CAMTA1: variants seen among roughly 807,000 people sequenced by gnomAD.
CAMTA1 encodes calmodulin binding transcription activator 1.
Under a neutral mutation model 170.9 loss-of-function variants are expected in CAMTA1, and 27 were observed. The observed-to-expected ratio is 0.16, with a 90% CI of 0.12 to 0.22. The LOEUF is 0.22. Ranked by LOEUF, CAMTA1 falls within the 10% of genes least tolerant of loss-of-function variation. The probability of loss-of-function intolerance (pLI) is 1.00; values close to 1 mark genes in which losing one functional copy is unlikely to be tolerated. For synonymous variants in CAMTA1, 833 were observed against 891.5 expected, an observed-to-expected ratio of 0.93 and a Z score of 1.17; for missense variants, 1,619 against 2,217.2, an observed-to-expected ratio of 0.73 and a Z score of 5.42.
At chr1:6,806,874 A>T (rs1034296058) in intron 1 of CAMTA1, 7 of 406,476 alleles carry the variant, frequency 1.7e-5, no homozygotes, top group Non-Finnish European at 3.1e-5. Context: ...GAATCAGAAG[A>T]TATTTTAGGA....
chr1:7,398,083 G>A (rs1039432853), intron 5 of CAMTA1, among the ~76,000 whole-genome samples: 1 of 143,442 alleles, frequency 7.0e-6, no homozygotes, highest in Non-Finnish European at 1.5e-5. Flanking sequence ...TGTGGGGCTG[G>A]ATATTGGAGT....
intron 9 of CAMTA1, 97 bp from the exon 10 acceptor site, chr1:7,670,814 A>AC (rs1198964642): frequency 1.1e-5 from 16 of 1,402,342 alleles, no homozygotes; most frequent in Non-Finnish European, 1.5e-5. Flanking sequence ...AGGGGTACAG[A>AC]CCCCCATCTG....
At chr1:7,524,413 T>C (rs1456086383) in intron 6 of CAMTA1, among the ~76,000 whole-genome samples, 1 of 152,172 alleles carries the variant, frequency 6.6e-6, no homozygotes, top group Non-Finnish European at 1.5e-5. Context: ...ATTTAGGCAA[T>C]CATGTCATCT....
chr1:7,402,421 A>T (rs2089971643), intron 5 of CAMTA1, among the ~76,000 whole-genome samples: 1 of 152,024 alleles, frequency 6.6e-6, no homozygotes, highest in South Asian at 2.1e-4. Context: ...ATTACCCAGC[A>T]CCTGTCAATC....
rs567867055 is a variant in CAMTA1, at chr1:7,423,676, T to C, written c.439-44154T>C. ...ACTGTGTAATCTCTCTGATCAGTTT[T>C]TCTTACCAATAAAATGCGCAACGAC... is the stretch of plus-strand genomic sequence containing the variant. On this transcript the variant is annotated intron_variant, in intron 5 of 22. Transcript: ENST00000303635. Among the ~76,000 whole-genome samples the C allele has an allele frequency of 3.3e-5, 5 of 152,168 alleles. No individual in the cohort carries two copies. In the South Asian group the frequency reaches 1.0e-3, roughly 32 times the overall value.
chr1:7,735,454 A>G lies in CAMTA1; in HGVS notation c.3067-890A>G, dbSNP rs944388520. ...AGCGAGACTCTGTCTCAAAAAAAAA[A>G]AAAAAGAAAAAAGAAGAAGAAGAAA... On this transcript the variant is annotated intron_variant, in intron 12 of 22. Transcript: ENST00000303635. 1.3e-5 allele frequency among the ~76,000 whole-genome samples: 2 copies of G among 151,936 alleles called. 1 individual carries two copies. The highest frequency in any genetic ancestry group is 1.3e-4 in the Admixed American group (2 of 15,244).
rs10864270 is a variant in CAMTA1, at chr1:7,063,243, T to G, written c.235-28061T>G. On this transcript the variant is annotated intron_variant, in intron 3 of 22. Coordinates refer to ENST00000303635, the MANE Select transcript of CAMTA1 (RefSeq NM_015215.4). The surrounding 1 kb of genome is among the most constrained non-coding windows in gnomAD (Gnocchi z 4.3). ...CTCCCACTTTCTTCACCCCCTAACATCAGGTCAAATCCGGCCTAGAATTCC... is the reference window on the plus strand; with the variant it reads ...CTCCCACTTTCTTCACCCCCTAACAGCAGGTCAAATCCGGCCTAGAATTCC... Among the ~76,000 whole-genome samples, 110,489 of 152,094 alleles carry G rather than the reference T, an allele frequency of 0.73. 40,993 individuals carry two copies. Among genetic ancestry groups the G allele is most frequent in the African/African-American group, 0.88 (36,464 of 41,528 alleles).
At chr1:7,444,739 C>G (rs568123962) in intron 5 of CAMTA1, among the ~76,000 whole-genome samples, 2 of 152,342 alleles carry the variant, frequency 1.3e-5, no homozygotes, top group South Asian at 4.1e-4. Flanking sequence ...GGTCTTTGAG[C>G]AGCACCTAAA....
rs369861065 is a variant in CAMTA1 at position 7,638,961 on chromosome 1, G to T, written c.511-1439G>T. On this transcript the variant is annotated intron_variant, in intron 6 of 22. Coordinates refer to ENST00000303635, the MANE Select transcript of CAMTA1 (RefSeq NM_015215.4). Reference sequence around the variant, plus strand: ...ATGAGAAGGCGCTGACTGTTAAATGGAACTGATTTGAGACAAACTGGGCCT... The same window carrying T: ...ATGAGAAGGCGCTGACTGTTAAATGTAACTGATTTGAGACAAACTGGGCCT... 1.2e-4 allele frequency among the ~76,000 whole-genome samples: 18 copies of T among 152,230 alleles called. No homozygotes were observed. In the East Asian group the frequency reaches 2.9e-3, roughly 25 times the overall value.
intron 3 of CAMTA1, among the ~76,000 whole-genome samples, chr1:6,903,649 T>C (rs1677625971): frequency 6.6e-6 from 1 of 152,246 alleles, no homozygotes; most frequent in Admixed American, 6.5e-5. Context: ...CCCATGTTTC[T>C]GACCCTGGGT....
At chr1:7,492,077 G>A (rs1472759197) in intron 6 of CAMTA1, among the ~76,000 whole-genome samples, 1 of 152,124 alleles carries the variant, frequency 6.6e-6, no homozygotes, top group African/African-American at 2.4e-5. Context: ...ACCTGTCTAG[G>A]ATGGGACACG....
chr1:7,410,599 G>T (rs2090641575), intron 5 of CAMTA1, among the ~76,000 whole-genome samples: 1 of 152,232 alleles, frequency 6.6e-6, no homozygotes. Flanking sequence ...GGAGGCCCTG[G>T]TGAATATTTA....
intron 4 of CAMTA1, among the ~76,000 whole-genome samples, chr1:7,168,974 T>C (rs1163928081): frequency 6.6e-6 from 1 of 152,248 alleles, no homozygotes; most frequent in Non-Finnish European, 1.5e-5. Flanking sequence ...TCTTCTATTT[T>C]AGTTTGCTAA....
At chr1:7,103,830 ACAACT>A (rs1194540906) in intron 4 of CAMTA1, among the ~76,000 whole-genome samples, 2 of 82,476 alleles carry the variant, frequency 2.4e-5, no homozygotes, top group South Asian at 3.2e-4. Context: ...ACATGCACAC[ACAACT>A]ACACACATGT....
At chr1:6,886,213 G>C (rs189098886) in intron 3 of CAMTA1, 1 of 455,940 alleles carries the variant, frequency 2.2e-6, no homozygotes, top group African/African-American at 2.0e-5. Flanking sequence ...AGGAAGAGAA[G>C]AATAAATACT....
intron 3 of CAMTA1, among the ~76,000 whole-genome samples, chr1:6,836,943 CT>C (rs780894298): frequency 2.4e-3 from 335 of 137,194 alleles, no homozygotes; most frequent in Middle Eastern, 0.011. Context: ...TGAAGGAGTT[CT>C]TTTTTTTTTT....
chr1:7,172,915 A>G (rs1649958891), intron 4 of CAMTA1, among the ~76,000 whole-genome samples: 1 of 152,170 alleles, frequency 6.6e-6, no homozygotes, highest in Non-Finnish European at 1.5e-5. Flanking sequence ...GGAGCAGCCA[A>G]GTGTTTAATG....
At chr1:7,268,532 C>T (rs764073948) in intron 5 of CAMTA1, among the ~76,000 whole-genome samples, 1 of 152,100 alleles carries the variant, frequency 6.6e-6, no homozygotes, top group Non-Finnish European at 1.5e-5. Flanking sequence ...TAATGAACAC[C>T]TGGGTATTCC....
At chr1:7,185,667 C>A (rs139842534) in intron 4 of CAMTA1, among the ~76,000 whole-genome samples, 4 of 152,252 alleles carry the variant, frequency 2.6e-5, no homozygotes, top group African/African-American at 9.6e-5. Flanking sequence ...ATCGTGAAAT[C>A]GGGACAAACA....
Sources: gnomAD v4.1 joint callset for allele counts (sites outside exome capture counted in the v4.1 genomes callset) on GRCh38, gnomAD v4.1.1 for gene constraint, Gnocchi (gnomAD v3.1) non-coding constraint, MANE v1.5 for transcripts, NCBI Gene and HGNC (gene_info 2026-07-23, HGNC 2026-07-21) for gene names.